CCDC57: variants seen among roughly 807,000 people sequenced by gnomAD.
CCDC57 encodes coiled-coil domain containing 57.
Under a neutral mutation model 118.9 loss-of-function variants are expected in CCDC57, and 118 were observed. The observed-to-expected ratio is 0.99, with a 90% confidence interval of 0.86 to 1.16. The LOEUF is 1.16. Among genes scored for constraint, CCDC57 ranks in the 50% most tolerant of loss-of-function variants. The probability of loss-of-function intolerance (pLI) is 0.00; values close to 1 mark genes in which losing one functional copy is unlikely to be tolerated. For missense variants in CCDC57, 1,300 were observed against 1,320.7 expected, an observed-to-expected ratio of 0.98 and a Z score of 0.24; for synonymous variants, 527 against 532.9, an observed-to-expected ratio of 0.99 and a Z score of 0.15.
chr17:82,183,137 C>A (rs917821737), intron 9 of CCDC57, among the ~76,000 whole-genome samples: 1 of 152,124 alleles, frequency 6.6e-6, no homozygotes, highest in African/African-American at 2.4e-5. Context: ...GGACATAGAG[C>A]CAAATGATAT....
intron 2 of CCDC57, among the ~76,000 whole-genome samples, chr17:82,206,693 G>C: frequency 6.6e-6 from 1 of 152,158 alleles, no homozygotes; most frequent in Non-Finnish European, 1.5e-5. Flanking sequence ...AGTCACCCCA[G>C]CAAATCAATC....
chr17:82,207,205 C>T (rs1034786670), intron 2 of CCDC57, among the ~76,000 whole-genome samples: 7 of 152,030 alleles, frequency 4.6e-5, no homozygotes, highest in South Asian at 2.1e-4. Flanking sequence ...ACTGGGGCGT[C>T]GCTTGTAGTC....
intron 2 of CCDC57, chr17:82,207,483 C>A (rs2049810354): frequency 6.6e-6 from 1 of 152,166 alleles, no homozygotes; most frequent in African/African-American, 2.4e-5. Flanking sequence ...ATTTTGCAGA[C>A]CCTGCACTCC....
chr17:82,141,702 T>G (rs758724567), intron 16 of CCDC57, among the ~76,000 whole-genome samples: 13 of 152,192 alleles, frequency 8.5e-5, no homozygotes, highest in Non-Finnish European at 1.9e-4. Context: ...TGGGTTTTCA[T>G]GCAGACGTGT....
At chr17:82,183,734 A>G (rs2146500911) in intron 9 of CCDC57, 40 bp downstream of exon 8, 1 of 1,541,324 alleles carries the variant, frequency 6.5e-7, no homozygotes, top group East Asian at 2.4e-5. Context: ...ACCTGCCCAT[A>G]GGAGACCCTC....
chr17:82,174,283 C>A lies in CCDC57; in HGVS notation c.1507-1423G>T, dbSNP rs1336718566. 2.6e-5 allele frequency among the ~76,000 whole-genome samples: 4 copies of A among 152,374 alleles called. No individual in the cohort carries two copies. The East Asian group carries it at 7.7e-4, about 29-fold the overall frequency. On this transcript the variant is annotated intron_variant, in intron 11 of 19. Coordinates refer to ENST00000665763, the Ensembl canonical transcript of CCDC57. ...GGGCTCCCAGGAGGAGAGCTTCACA[C>A]GCTGCGCTCAGGGGTGGAGAGGATG...
intron 1 of CCDC57, among the ~76,000 whole-genome samples, chr17:82,210,267 T>G (rs1207846936): frequency 6.6e-6 from 1 of 151,170 alleles, no homozygotes; most frequent in Non-Finnish European, 1.5e-5. Context: ...AAATCCCAAC[T>G]AATAAATGTA....
intron 2 of CCDC57, among the ~76,000 whole-genome samples, chr17:82,204,993 A>C (rs2049441221): frequency 6.6e-6 from 1 of 152,198 alleles, no homozygotes; most frequent in East Asian, 1.9e-4. Context: ...CCTAACTTCC[A>C]TCTCACGTTG....
At position 82,172,832 on chromosome 17, in the gene CCDC57, A is replaced by T. The variant is rs1410499105; in HGVS notation, c.1535T>A (p.Ile512Lys). Residue 512 changes from isoleucine to lysine, a missense_variant, in exon 12 of 20, where the codon ATA (isoleucine) becomes AAA (lysine). Transcript: ENST00000665763. This position sits in a 1 kb window ranked among gnomAD's most constrained non-coding sequence, Gnocchi z 5.2. ...CTCACTGGATGGAAAGTCTTTACTT[A>T]TTTCTTCTTCATGCTGCCTGAGAAG... The T allele has an allele frequency of 1.2e-6, 2 of 1,612,820 alleles. No individual in the cohort carries two copies. The highest frequency in any genetic ancestry group is 1.7e-6 in the Non-Finnish European group (2 of 1,179,564).
At chr17:82,121,004 C>T (rs1831375691) in intron 19 of CCDC57, among the ~76,000 whole-genome samples, 4 of 152,232 alleles carry the variant, frequency 2.6e-5, no homozygotes, top group Admixed American at 2.6e-4. Context: ...ATCCACCCAC[C>T]TCGGCCTCCC....
chr17:82,195,440 G>T (rs2048183437), intron 4 of CCDC57, 76 bp from the exon 4 acceptor site: 1 of 1,114,292 alleles, frequency 9.0e-7, no homozygotes. Context: ...TGGGAGGTGG[G>T]ATCCAGAGGT....
At position 82,169,213 on chromosome 17, in the gene CCDC57, G is replaced by A. The variant is rs1328889958; in HGVS notation, c.1882+2488C>T. Reference sequence around the variant, plus strand: ...GCAATCTCGGCTCACTGCAACCTCCGCCTCCTGGGTTCAAGTGATTCTCCT... The same window carrying A: ...GCAATCTCGGCTCACTGCAACCTCCACCTCCTGGGTTCAAGTGATTCTCCT... On this transcript the variant is annotated intron_variant, in intron 13 of 19. Coordinates refer to ENST00000665763, the Ensembl canonical transcript of CCDC57. Among the ~76,000 whole-genome samples the A allele has an allele frequency of 3.3e-5, 5 of 152,038 alleles. No homozygotes were observed. The East Asian group carries it at 7.7e-4, about 23-fold the overall frequency.
chr17:82,107,871 A>G (rs996433569), intron 19 of CCDC57, among the ~76,000 whole-genome samples: 2 of 152,150 alleles, frequency 1.3e-5, no homozygotes, highest in Non-Finnish European at 2.9e-5. Flanking sequence ...ACAGATGCCT[A>G]CAGAACAGGC....
rs552789709 is a variant in CCDC57, at chr17:82,172,766, G to A, written c.1601C>T (p.Ala534Val). 32 of 1,612,680 alleles carry A rather than the reference G, an allele frequency of 2.0e-5. No individual in the cohort carries two copies. The highest frequency in any genetic ancestry group is 1.9e-4 in the African/African-American group (14 of 75,006). ...CATTTCTTTCCTCATCTGGGCAATC[G>A]CGTTTCGCAAGCTCGTGTTCTGCTC... is the stretch of plus-strand genomic sequence containing the variant. Residue 534 changes from alanine (A) to valine (V), a missense_variant, in exon 12 of 20, where the codon GCG (alanine) becomes GTG (valine). By Grantham distance (64) the Ala-to-Val change is moderately conservative. Transcript: ENST00000665763. This position sits in a 1 kb window ranked among gnomAD's most constrained non-coding sequence, Gnocchi z 5.2.
intron 19 of CCDC57, among the ~76,000 whole-genome samples, chr17:82,115,274 G>A (rs1442132224): frequency 1.4e-5 from 1 of 71,414 alleles, no homozygotes; most frequent in African/African-American, 5.1e-5. Flanking sequence ...CGGGAAGAGG[G>A]GGCAAGAGGG....
intron 11 of CCDC57, among the ~76,000 whole-genome samples, chr17:82,174,366 C>A (rs2045190698): frequency 6.6e-6 from 1 of 152,224 alleles, no homozygotes; most frequent in Non-Finnish European, 1.5e-5. Context: ...CGATGCCTAA[C>A]CCTGTTTTTA....
intron 19 of CCDC57, among the ~76,000 whole-genome samples, chr17:82,114,542 G>C (rs764513022): frequency 3.9e-5 from 6 of 152,222 alleles, no homozygotes; most frequent in African/African-American, 1.2e-4. Context: ...GGGAGGGAGG[G>C]AGTGTGTCCT....
intron 2 of CCDC57, among the ~76,000 whole-genome samples, chr17:82,204,398 C>T (rs2146954846): frequency 6.6e-6 from 1 of 152,340 alleles, no homozygotes; most frequent in East Asian, 1.9e-4. Flanking sequence ...GTGCCCACAC[C>T]TCGGCCACCA....
At chr17:82,124,184 A>G (rs6502057) in intron 19 of CCDC57, among the ~76,000 whole-genome samples, 83,026 of 151,918 alleles carry the variant, frequency 0.55, 23,595 homozygotes, top group African/African-American at 0.61. Context: ...GCAAGGGTAC[A>G]CCCTGAGGGT....
Sources: allele counts gnomAD v4.1 joint callset (sites outside exome capture counted in the v4.1 genomes callset), GRCh38; gene constraint gnomAD v4.1.1; non-coding constraint Gnocchi (gnomAD v3.1); transcripts MANE v1.5; gene names NCBI Gene and HGNC (gene_info 2026-07-23, HGNC 2026-07-21).